ING5: variants seen among roughly 807,000 people sequenced by gnomAD.
The protein encoded by ING5 is inhibitor of growth protein 5.
ING5 carries 17 observed loss-of-function variants against 37.4 expected under a neutral mutation model. That is an observed-to-expected ratio of 0.45 (90% CI 0.31 to 0.68). The LOEUF (loss-of-function observed/expected upper bound fraction) is 0.68, where lower values mean the gene tolerates loss of function less well. Among genes scored for constraint, ING5 ranks in the 30% least tolerant of loss-of-function variants. The probability of loss-of-function intolerance (pLI) is 0.05; values close to 1 mark genes in which losing one functional copy is unlikely to be tolerated. For synonymous variants in ING5, 123 were observed against 116.6 expected (o/e 1.06, Z -0.36); for missense variants, 233 against 311.9 (o/e 0.75, Z 1.91).
intron 1 of ING5, among the ~76,000 whole-genome samples, chr2:241,702,759 A>T: frequency 6.6e-6 from 1 of 152,146 alleles, no homozygotes; most frequent in East Asian, 1.9e-4. Context: ...GCTTTCCCTC[A>T]CTTTACACAC....
intron 5 of ING5, among the ~76,000 whole-genome samples, chr2:241,718,961 A>G (rs1251882936): frequency 6.6e-6 from 1 of 152,222 alleles, no homozygotes; most frequent in Non-Finnish European, 1.5e-5. Context: ...CTTTAGATAT[A>G]AAGGAAGCGT....
chr2:241,702,342 G>GGGGCGGGGCCTGGCGATGCT (rs2069764659), intron 1 of ING5, among the ~76,000 whole-genome samples: 2 of 149,344 alleles, frequency 1.3e-5, no homozygotes, highest in African/African-American at 4.9e-5. Flanking sequence ...GCGTCACGGC[G>GGGGCGGGGCCTGGCGATGCT]GGGCGGGGCC....
chr2:241,690,415 G>C (rs568239907), exon 2 of ING5: 9 of 391,082 alleles, frequency 2.3e-5, no homozygotes, highest in Non-Finnish European at 4.1e-5. Flanking sequence ...CCGTGACTCA[G>C]TGACATCAGG....
At chr2:241,703,674 C>T (rs1246014814) in intron 1 of ING5, among the ~76,000 whole-genome samples, 1 of 151,984 alleles carries the variant, frequency 6.6e-6, no homozygotes, top group East Asian at 1.9e-4. Flanking sequence ...GGTATGATCT[C>T]AGCACACTGC....
upstream of ING5, among the ~76,000 whole-genome samples, chr2:241,697,840 T>G (rs2069653143): frequency 6.6e-6 from 1 of 152,064 alleles, no homozygotes; most frequent in Non-Finnish European, 1.5e-5. Flanking sequence ...CCCAACACTT[T>G]GGAAGGCTGA....
intron 2 of ING5, chr2:241,694,385 G>A (rs2069601973): frequency 6.6e-6 from 1 of 151,894 alleles, no homozygotes; most frequent in Non-Finnish European, 1.5e-5. Context: ...AGAGCTTGCA[G>A]TGAGCCAAGA....
intron 5 of ING5, among the ~76,000 whole-genome samples, chr2:241,715,472 A>ATTT (rs34545938): frequency 0.028 from 1,977 of 70,854 alleles, 126 homozygotes; most frequent in African/African-American, 0.083. Context: ...CTGGAATAGA[A>ATTT]TTTTTTTTTT....
intron 2 of ING5, among the ~76,000 whole-genome samples, chr2:241,692,223 G>A (rs2069567018): frequency 6.6e-6 from 1 of 152,158 alleles, no homozygotes; most frequent in African/African-American, 2.4e-5. Flanking sequence ...CTTGTTATAA[G>A]ATTACAGTTA....
intron 5 of ING5, among the ~76,000 whole-genome samples, chr2:241,713,376 T>G (rs2070177566): frequency 7.0e-6 from 1 of 142,422 alleles, no homozygotes; most frequent in Admixed American, 7.0e-5. Flanking sequence ...AGTTTTTTTT[T>G]TTTTTTTTTT....
chr2:241,693,253 A>C (rs2069582822), intron 2 of ING5, among the ~76,000 whole-genome samples: 1 of 87,044 alleles, frequency 1.1e-5, no homozygotes. Context: ...AGACTGTCTC[A>C]AAAAAAAAAA....
chr2:241,701,250 C>T (rs958929061), upstream of ING5, among the ~76,000 whole-genome samples: 1 of 152,254 alleles, frequency 6.6e-6, no homozygotes, highest in Non-Finnish European at 1.5e-5. Context: ...AGGCGTGCGC[C>T]AGCGCGCCGG....
intron 5 of ING5, among the ~76,000 whole-genome samples, chr2:241,713,309 C>T (rs542654036): frequency 1.7e-3 from 255 of 150,672 alleles, no homozygotes; most frequent in African/African-American, 5.8e-3. Flanking sequence ...CCACCTGCCT[C>T]GGCCTCCCAA....
intron 7 of ING5, 34 bp downstream of exon 7, chr2:241,723,305 A>G: frequency 1.9e-6 from 3 of 1,607,744 alleles, no homozygotes; most frequent in Non-Finnish European, 2.6e-6. Flanking sequence ...GTTTTCTCCC[A>G]GTCTGCTGGG....
At chr2:241,700,150 G>GTTT (rs780209565), upstream of ING5, among the ~76,000 whole-genome samples, 4,677 of 73,134 alleles carry the variant, frequency 0.064, 138 homozygotes, top group East Asian at 0.094. Flanking sequence ...GCCCGGCTAA[G>GTTT]TTTTTTTTTT....
At chr2:241,713,379 T>G (rs1202470647) in intron 5 of ING5, among the ~76,000 whole-genome samples, 2 of 143,286 alleles carry the variant, frequency 1.4e-5, no homozygotes, top group African/African-American at 2.6e-5. Flanking sequence ...TTTTTTTTTT[T>G]TTTTTTTTTG....
chr2:241,698,313 C>A (rs901956304), upstream of ING5, among the ~76,000 whole-genome samples: 2 of 151,390 alleles, frequency 1.3e-5, no homozygotes, highest in Non-Finnish European at 2.9e-5. Flanking sequence ...GGCATGGTGG[C>A]GGGCACCTGT....
At chr2:241,711,553 T>C in intron 4 of ING5, 65 bp downstream of exon 4, 1 of 1,134,246 alleles carries the variant, frequency 8.8e-7, no homozygotes, top group Non-Finnish European at 1.3e-6. Context: ...AAGAGTTTTG[T>C]CACGGTAAAT....
chr2:241,713,776 G>C (rs2070188613), intron 5 of ING5, among the ~76,000 whole-genome samples: 1 of 151,962 alleles, frequency 6.6e-6, no homozygotes, highest in Non-Finnish European at 1.5e-5. Flanking sequence ...ATCACCTGAG[G>C]TCAGGAGTTC....
chr2:241,725,029 TAGG>T lies in ING5; in HGVS notation c.*4_*6del, dbSNP rs745660693. On this transcript the variant is annotated stop_retained_variant and 3_prime_UTR_variant, in exon 8 of 8. Transcript: ENST00000313552. ...TGTCCAGGAAAAGAGGAAGAAGAAG[TAGG>T]AGGAGCTGTGTGCCCGGATCCGAGG... 4.3e-6 allele frequency: 7 copies of T among 1,613,906 alleles called. No homozygotes were observed. In the East Asian group the frequency reaches 1.3e-4, roughly 31 times the overall value.
Sources: gnomAD v4.1 joint callset for allele counts (sites outside exome capture counted in the v4.1 genomes callset) on GRCh38, gnomAD v4.1.1 for gene constraint, MANE v1.5 for transcripts, NCBI Gene and HGNC (gene_info 2026-07-23, HGNC 2026-07-21) for gene names.